The following CDC5L variants were observed in gnomAD, a reference collection of about 807,000 sequenced individuals.
CDC5L encodes the protein cell division cycle 5 like.
In CDC5L, 18 loss-of-function variants were observed where a neutral mutation model predicts 104.1. That is an observed-to-expected ratio of 0.17 (90% CI 0.12 to 0.26). CDC5L has a LOEUF of 0.26. Among genes scored for constraint, CDC5L ranks in the 10% least tolerant of loss-of-function variants. The probability of loss-of-function intolerance (pLI) is 1.00; values close to 1 mark genes in which losing one functional copy is unlikely to be tolerated. For synonymous variants in CDC5L, 331 were observed against 322.7 expected (o/e 1.03, Z -0.28); for missense variants, 673 against 956.9 (o/e 0.70, Z 3.91).
intron 14 of CDC5L, among the ~76,000 whole-genome samples, chr6:44,431,851 A>G (rs1792701728): frequency 6.6e-6 from 1 of 152,200 alleles, no homozygotes; most frequent in Non-Finnish European, 1.5e-5. Flanking sequence ...CTCTTTGTTC[A>G]GTTCAGTACC....
intron 11 of CDC5L, 72 bp from the exon 12 acceptor site, chr6:44,426,031 G>A: frequency 2.0e-6 from 2 of 1,000,074 alleles, no homozygotes; most frequent in Non-Finnish European, 3.0e-6. Flanking sequence ...ACATACCAAA[G>A]TGTTTTTAGC....
chr6:44,389,638 T>A (rs937957175), intron 1 of CDC5L, among the ~76,000 whole-genome samples: 6 of 152,002 alleles, frequency 3.9e-5, no homozygotes, highest in African/African-American at 1.5e-4. Flanking sequence ...GGTAGAAATA[T>A]GTAATTCTTA....
At position 44,422,761 on chromosome 6, in the gene CDC5L, C is replaced by T. The variant is rs547604797; in HGVS notation, c.1356C>T (p.Pro452=). ...TPLRDKLNIN[P]EDGMADYSDP... ...TTCGAGACAAGTTAAACATTAATCCCGAGGATGGAATGGCAGACTATAGTG... is the reference window on the plus strand; with the variant it reads ...TTCGAGACAAGTTAAACATTAATCCTGAGGATGGAATGGCAGACTATAGTG... Residue 452 remains proline, a synonymous_variant, in exon 10 of 16, where the codon CCC becomes CCT. Coordinates refer to ENST00000371477, the MANE Select transcript of CDC5L (RefSeq NM_001253.4). 9.9e-6 allele frequency: 16 copies of T among 1,612,624 alleles called. No homozygotes were observed. The highest frequency in any genetic ancestry group is 4.5e-5 in the East Asian group (2 of 44,864).
chr6:44,444,010 AC>A (rs1257746152), intron 14 of CDC5L, among the ~76,000 whole-genome samples: 3 of 152,010 alleles, frequency 2.0e-5, no homozygotes, highest in Non-Finnish European at 4.4e-5. Flanking sequence ...ATTTTAAGAT[AC>A]CTTTTAAATC....
chr6:44,431,280 G>A (rs1792671574), intron 14 of CDC5L, among the ~76,000 whole-genome samples: 1 of 152,138 alleles, frequency 6.6e-6, no homozygotes, highest in Non-Finnish European at 1.5e-5. Context: ...GTTCAGTGCT[G>A]CTAATTATTT....
chr6:44,426,422 TAATA>T (rs1792425798), intron 12 of CDC5L, 56 bp from the exon 13 acceptor site: 3 of 983,410 alleles, frequency 3.1e-6, no homozygotes, highest in Admixed American at 4.5e-5. Context: ...CTGTAACAGG[TAATA>T]ACATTAATAT....
chr6:44,442,629 A>G (rs1284209057), intron 14 of CDC5L, among the ~76,000 whole-genome samples: 1 of 152,084 alleles, frequency 6.6e-6, no homozygotes, highest in Non-Finnish European at 1.5e-5. Context: ...TATACTTAAA[A>G]TTTTTATATA....
chr6:44,431,745 T>C (rs1432842277), intron 14 of CDC5L, among the ~76,000 whole-genome samples: 1 of 152,202 alleles, frequency 6.6e-6, no homozygotes, highest in African/African-American at 2.4e-5. Context: ...GAATTGGTCT[T>C]ATGAATTTTA....
intron 13 of CDC5L, among the ~76,000 whole-genome samples, chr6:44,427,779 T>G (rs1190842651): frequency 2.6e-5 from 4 of 152,128 alleles, no homozygotes; most frequent in Non-Finnish European, 5.9e-5. Context: ...GGCTACGAAA[T>G]TGATACTTGC....
intron 14 of CDC5L, among the ~76,000 whole-genome samples, chr6:44,437,658 G>A (rs1400402808): frequency 6.6e-6 from 1 of 152,210 alleles, no homozygotes; most frequent in Non-Finnish European, 1.5e-5. Flanking sequence ...TCCATTGGAT[G>A]AGGTGAGGTA....
At chr6:44,432,671 G>A (rs973730287) in intron 14 of CDC5L, among the ~76,000 whole-genome samples, 2 of 152,222 alleles carry the variant, frequency 1.3e-5, no homozygotes, top group Non-Finnish European at 2.9e-5. Context: ...TATGTAGAAT[G>A]TGGTAGAGGA....
chr6:44,419,775 TC>T lies in CDC5L; in HGVS notation c.1241+185del, dbSNP rs377029838. Among the ~76,000 whole-genome samples the T allele has an allele frequency of 5.4e-4, 82 of 152,226 alleles. No individual in the cohort carries two copies. In the East Asian group the frequency reaches 0.014, roughly 26 times the overall value. ...AAATGGTTAAATACTGTGGAGTGCC[TC>T]CCCCCCTTTCTTTAAGATGGAGTCT... On this transcript the variant is annotated intron_variant, in intron 9 of 15. Coordinates refer to ENST00000371477, the MANE Select transcript of CDC5L (RefSeq NM_001253.4).
At chr6:44,407,295 T>C (rs1015080788) in intron 7 of CDC5L, among the ~76,000 whole-genome samples, 13 of 152,138 alleles carry the variant, frequency 8.5e-5, no homozygotes, top group African/African-American at 3.1e-4. Context: ...TTTGACTTAC[T>C]ATAGTTGGTC....
rs1791007304 is a variant in CDC5L at position 44,399,224 on chromosome 6, A to G, written c.539+2784A>G. On this transcript the variant is annotated intron_variant, in intron 5 of 15. Transcript: ENST00000371477. Reference sequence around the variant, plus strand: ...TTTCTTGGCCTCCCAAAGTGCTGGGATTGCAGGTGTGAGCCACTGTGACTG... The same window carrying G: ...TTTCTTGGCCTCCCAAAGTGCTGGGGTTGCAGGTGTGAGCCACTGTGACTG... Among the ~76,000 whole-genome samples, 5 of 152,182 alleles carry G rather than the reference A, an allele frequency of 3.3e-5. No homozygotes were observed. In the South Asian group the frequency reaches 1.0e-3, roughly 32 times the overall value.
At position 44,408,464 on chromosome 6, in the gene CDC5L, G is replaced by A. The variant is rs1361749854; in HGVS notation, c.924G>A (p.Gln308=). ...PAPQISDAEL[Q]EVVKVGQASE... ...TTTAGATTTCAGATGCAGAACTCCA[G>A]GAAGTTGTAAAAGTAGGCCAAGCGA... The change falls in exon 8 of 16, where the codon CAG becomes CAA. Residue 308 remains glutamine, a synonymous_variant. Transcript: ENST00000371477. 5 of 1,612,598 alleles carry A rather than the reference G, an allele frequency of 3.1e-6. No individual in the cohort carries two copies. The African/African-American group carries it at 5.3e-5, about 17-fold the overall frequency.
At chr6:44,432,241 T>G (rs1291124753) in intron 14 of CDC5L, among the ~76,000 whole-genome samples, 1 of 152,150 alleles carries the variant, frequency 6.6e-6, no homozygotes, top group Non-Finnish European at 1.5e-5. Flanking sequence ...AATTCTTTCA[T>G]TTCAGTTGAT....
At chr6:44,390,236 G>A (rs1157110033) in intron 1 of CDC5L, 32 bp from the exon 2 acceptor site, 6 of 1,407,720 alleles carry the variant, frequency 4.3e-6, no homozygotes, top group Non-Finnish European at 6.0e-6. Context: ...GGAGTTTTGT[G>A]ACTGAATGTA....
Position 44,447,583 on chromosome 6 carries a change from G to A in CDC5L, c.*872G>A, listed in dbSNP as rs1354824220. The A allele has an allele frequency of 2.6e-5, 4 of 152,148 alleles. No individual in the cohort carries two copies. Among genetic ancestry groups the A allele is most frequent in the Non-Finnish European group, 5.9e-5 (4 of 68,022 alleles). 9.4% of individuals were successfully genotyped at this position (152,148 alleles called of 1,614,324 possible). Reference sequence around the variant, plus strand: ...TACAAGCTCATTATAGACTAGCAATGTTTTGACATCACCAAAAACGTTTGC... The same window carrying A: ...TACAAGCTCATTATAGACTAGCAATATTTTGACATCACCAAAAACGTTTGC... On this transcript the variant is annotated 3_prime_UTR_variant, in exon 16 of 16. Coordinates refer to ENST00000371477, the MANE Select transcript of CDC5L (RefSeq NM_001253.4).
chr6:44,444,058 G>A (rs1793336527), intron 14 of CDC5L, among the ~76,000 whole-genome samples: 1 of 152,052 alleles, frequency 6.6e-6, no homozygotes, highest in Non-Finnish European at 1.5e-5. Flanking sequence ...TATTCTTGGT[G>A]CCATATTCCA....
Sources: allele counts gnomAD v4.1 joint callset (sites outside exome capture counted in the v4.1 genomes callset), GRCh38; gene constraint gnomAD v4.1.1; transcripts MANE v1.5; gene names NCBI Gene and HGNC (gene_info 2026-07-23, HGNC 2026-07-21).